CACNA1C: variants seen among roughly 807,000 people sequenced by gnomAD.
The protein encoded by CACNA1C is calcium voltage-gated channel subunit alpha1 C.
A neutral mutation model predicts 229.0 loss-of-function variants in CACNA1C; 30 were observed. The ratio of observed to expected loss-of-function variants is 0.13; its 90% confidence interval spans 0.10 to 0.18. CACNA1C has a LOEUF of 0.18. CACNA1C is among the 10% of genes least tolerant of loss of function. The pLI is 1.00. For missense variants in CACNA1C, 1,658 were observed against 2,845.0 expected (o/e 0.58, Z 9.49); for synonymous variants, 1,114 against 1,132.5 (o/e 0.98, Z 0.33).
chr12:2,527,031 T>A (rs1243141996), intron 9 of CACNA1C, among the ~76,000 whole-genome samples: 1 of 152,212 alleles, frequency 6.6e-6, no homozygotes, highest in Non-Finnish European at 1.5e-5. Context: ...ATATATATAT[T>A]TGAATTTTGA....
intron 3 of CACNA1C, among the ~76,000 whole-genome samples, chr12:2,329,200 T>C (rs780362439): frequency 6.6e-6 from 1 of 152,198 alleles, no homozygotes; most frequent in Non-Finnish European, 1.5e-5. Flanking sequence ...TGCATTTCAG[T>C]CTCCACCCAT....
intron 38 of CACNA1C, among the ~76,000 whole-genome samples, chr12:2,671,899 T>A (rs2096586137): frequency 6.7e-6 from 1 of 149,608 alleles, no homozygotes; most frequent in Non-Finnish European, 1.5e-5. Flanking sequence ...ACATGGGCCC[T>A]CCATAAACTT....
At chr12:2,347,205 C>T (rs2097065652) in intron 3 of CACNA1C, among the ~76,000 whole-genome samples, 1 of 152,196 alleles carries the variant, frequency 6.6e-6, no homozygotes. Context: ...AATGAATGAA[C>T]AAATGCACCC....
At chr12:2,418,025 A>G (rs775152403) in intron 3 of CACNA1C, among the ~76,000 whole-genome samples, 34 of 152,136 alleles carry the variant, frequency 2.2e-4, no homozygotes, top group Non-Finnish European at 3.8e-4. Flanking sequence ...GCTTACATCA[A>G]GCAGAGGAAG....
intron 3 of CACNA1C, among the ~76,000 whole-genome samples, chr12:2,203,877 C>G (rs2097674774): frequency 6.6e-6 from 1 of 152,190 alleles, no homozygotes; most frequent in Non-Finnish European, 1.5e-5. Context: ...CTACTTCTGG[C>G]CAAATCTCAG....
intron 29 of CACNA1C, among the ~76,000 whole-genome samples, chr12:2,631,244 T>C (rs984116601): frequency 7.2e-5 from 11 of 151,798 alleles, no homozygotes; most frequent in African/African-American, 2.7e-4. Flanking sequence ...TCCTCCTTTC[T>C]TGAGCACTGA....
At chr12:2,141,790 G>A (rs553697982) in intron 3 of CACNA1C, among the ~76,000 whole-genome samples, 2 of 151,288 alleles carry the variant, frequency 1.3e-5, no homozygotes, top group South Asian at 2.1e-4. Context: ...ATCTGACAGC[G>A]CTTGGCCCCC....
chr12:2,127,558 G>T, intron 3 of CACNA1C, among the ~76,000 whole-genome samples: 1 of 152,230 alleles, frequency 6.6e-6, no homozygotes, highest in East Asian at 1.9e-4. Context: ...CATAGCTACT[G>T]TATCATGTAC....
Position 1,971,181 on chromosome 12 carries a change from A to AT in CACNA1C, c.122dup (p.Tyr42LeufsTer30). ...TTGGTGCATGAAGCTCAACTCAACT[A>AT]TTTCTACATCTCTCCTGGAGGTAAG... is the stretch of plus-strand genomic sequence containing the variant. On this transcript the variant is annotated frameshift_variant, in exon 1 of 47. Transcript: ENST00000682462. LOFTEE classifies it high-confidence loss of function. This position sits in a 1 kb window ranked among gnomAD's most constrained non-coding sequence, Gnocchi z 4.2. 1 of 1,289,056 alleles carries AT rather than the reference A, an allele frequency of 7.8e-7. No individual in the cohort carries two copies. The highest frequency in any genetic ancestry group is 1.0e-6 in the Non-Finnish European group (1 of 988,236). The allele number at this position is 1,289,056 out of a possible 1,614,324, so 79.9% of individuals were successfully genotyped here.
intron 1 of CACNA1C, among the ~76,000 whole-genome samples, chr12:2,101,889 A>G (rs1399526082): frequency 6.6e-6 from 1 of 152,118 alleles, no homozygotes; most frequent in Non-Finnish European, 1.5e-5. Flanking sequence ...CCTCCTACCA[A>G]TAAACTGGGC....
intron 2 of CACNA1C, among the ~76,000 whole-genome samples, chr12:2,115,915 AG>A (rs1253075415): frequency 6.6e-6 from 1 of 152,226 alleles, no homozygotes; most frequent in Non-Finnish European, 1.5e-5. Context: ...TTGGGGTAAC[AG>A]TCGTTAGTTA....
intron 9 of CACNA1C, among the ~76,000 whole-genome samples, chr12:2,537,757 C>A (rs899305384): frequency 6.6e-6 from 1 of 152,206 alleles, no homozygotes; most frequent in Non-Finnish European, 1.5e-5. Flanking sequence ...CTGTCCCATC[C>A]CTAATGGTTG....
At chr12:2,375,657 C>T (rs1459062652) in intron 3 of CACNA1C, among the ~76,000 whole-genome samples, 1 of 152,186 alleles carries the variant, frequency 6.6e-6, no homozygotes, top group African/African-American at 2.4e-5. Context: ...TTTCTTTATA[C>T]ATCATACCCT....
intron 1 of CACNA1C, among the ~76,000 whole-genome samples, chr12:2,106,672 GGCGTCCTGAAGC>G (rs1595998620): frequency 3.5e-4 from 29 of 83,156 alleles, no homozygotes; most frequent in Non-Finnish European, 4.5e-4. Flanking sequence ...CCTCAGCTGG[GGCGTCCTGAAGC>G]CACTGGGCGC....
chr12:2,187,354 C>G (rs1251665019), intron 3 of CACNA1C, among the ~76,000 whole-genome samples: 1 of 152,170 alleles, frequency 6.6e-6, no homozygotes, highest in African/African-American at 2.4e-5. Context: ...CCCATAGCAG[C>G]CTCTCTGTCT....
intron 3 of CACNA1C, among the ~76,000 whole-genome samples, chr12:2,155,209 T>A (rs566530020): frequency 5.2e-4 from 79 of 152,278 alleles, no homozygotes; most frequent in African/African-American, 1.9e-3. Flanking sequence ...AAGACACATT[T>A]TCTATGACAG....
In CACNA1C at chr12:2,329,473, C is replaced by T. The variant is rs544770845; in HGVS notation, c.478-119503C>T. Among the ~76,000 whole-genome samples, 10 of 152,236 alleles carry T rather than the reference C, an allele frequency of 6.6e-5. No individual in the cohort carries two copies. The East Asian group carries it at 9.7e-4, about 15-fold the overall frequency. Reference sequence around the variant, plus strand: ...CACCACCAGCCAATGCAGTGAGGGCCGATGCCTGTCCCCATCAATGAACAT... The same window carrying T: ...CACCACCAGCCAATGCAGTGAGGGCTGATGCCTGTCCCCATCAATGAACAT... On this transcript the variant is annotated intron_variant, in intron 3 of 46. Coordinates refer to ENST00000399655, the MANE Select transcript of CACNA1C (RefSeq NM_000719.7).
intron 3 of CACNA1C, among the ~76,000 whole-genome samples, chr12:2,429,683 G>T (rs1349181747): frequency 1.3e-5 from 2 of 152,216 alleles, no homozygotes; most frequent in Non-Finnish European, 2.9e-5. Context: ...AGATGGCTTT[G>T]TAAGTTAAGT....
At position 2,089,969 on chromosome 12, in the gene CACNA1C, C is replaced by T. The variant is rs191430056; in HGVS notation, c.50-25255C>T. Among the ~76,000 whole-genome samples the T allele has an allele frequency of 4.1e-3, 626 of 152,234 alleles. 5 individuals carry two copies. Among genetic ancestry groups the T allele is most frequent in the Admixed American group, 7.9e-3 (120 of 15,282 alleles). ...GCGTGAACCCGGGAGGCGGAGGTTG[C>T]GGTGAGCTGCGATCATGCCATTGCA... On this transcript the variant is annotated intron_variant, in intron 1 of 46. Coordinates refer to ENST00000399655, the MANE Select transcript of CACNA1C (RefSeq NM_000719.7).
Sources: gnomAD v4.1 joint callset for allele counts (sites outside exome capture counted in the v4.1 genomes callset) on GRCh38, gnomAD v4.1.1 for gene constraint, Gnocchi (gnomAD v3.1) non-coding constraint, MANE v1.5 for transcripts, NCBI Gene and HGNC (gene_info 2026-07-23, HGNC 2026-07-21) for gene names.